MGAM2: variants seen among roughly 807,000 people sequenced by gnomAD.
The protein encoded by MGAM2 is maltase-glucoamylase 2 (putative), also known as probable maltase-glucoamylase 2.
MGAM2 carries 98 observed loss-of-function variants against 96.1 expected under a neutral mutation model. The ratio of observed to expected loss-of-function variants is 1.02; its 90% CI spans 0.87 to 1.21. The LOEUF is 1.21. MGAM2 is among the 50% of genes most tolerant of loss of function. The pLI, the probability that MGAM2 is intolerant of heterozygous loss-of-function variation, is 0.00. For synonymous variants in MGAM2, 749 were observed against 414.8 expected, an observed-to-expected ratio of 1.81 and a Z score of -9.79; for missense variants, 2,055 against 1,182.4, an observed-to-expected ratio of 1.74 and a Z score of -10.82.
At chr7:142,185,019 T>A in intron 33 of MGAM2, 58 bp from the exon 34 acceptor site, 1 of 693,266 alleles carries the variant, frequency 1.4e-6, no homozygotes, top group Non-Finnish European at 2.6e-6. Flanking sequence ...ACATGAAATA[T>A]CTCATAGTCT....
chr7:142,184,807 G>A (rs904802948), intron 33 of MGAM2, among the ~76,000 whole-genome samples: 7 of 152,150 alleles, frequency 4.6e-5, no homozygotes, highest in East Asian at 1.9e-4. Flanking sequence ...GAAATCACTC[G>A]AAAGTTGGTT....
Position 142,159,999 on chromosome 7 carries a change from GCAAGTCAC to G in MGAM2, c.2221-134_2221-127del, listed in dbSNP as rs1224333167. Reference sequence around the variant, plus strand: ...GCCCTCTACTACCCATATGCTTTCAGCAAGTCACTTCACTTTGGGGTTCTCTGTTTGTC... The same window carrying G: ...GCCCTCTACTACCCATATGCTTTCAGTTCACTTTGGGGTTCTCTGTTTGTC... On this transcript the variant is annotated intron_variant, in intron 20 of 47. Coordinates refer to ENST00000477922, the MANE Select transcript of MGAM2 (RefSeq NM_001293626.2). 13 of 581,130 alleles carry G rather than the reference GCAAGTCAC, an allele frequency of 2.2e-5. No individual in the cohort carries two copies. In the East Asian group the frequency reaches 3.7e-4, roughly 16 times the overall value. 36.0% of individuals were successfully genotyped at this position (581,130 alleles called of 1,614,324 possible).
Position 142,148,842 on chromosome 7 carries a change from GTCTCAGTCCTTT to G in MGAM2, c.1634+1273_1634+1284del, listed in dbSNP as rs1319757876. 3.3e-5 allele frequency among the ~76,000 whole-genome samples: 5 copies of G among 152,122 alleles called. No homozygotes were observed. The highest frequency in any genetic ancestry group is 3.3e-4 in the Admixed American group (5 of 15,266). ...AGACTTTGATGGGTTTATGGGGCCTGTCTCAGTCCTTTTCTTACTTGACTTCTCTTTCTCCTT... is the reference window on the plus strand; with the variant it reads ...AGACTTTGATGGGTTTATGGGGCCTGTCTTACTTGACTTCTCTTTCTCCTT... On this transcript the variant is annotated intron_variant, in intron 15 of 47. Transcript: ENST00000477922. This position sits in a 1 kb window ranked among gnomAD's most constrained non-coding sequence, Gnocchi z 4.2.
In MGAM2 at chr7:142,197,426, A is replaced by C. The variant is rs1797079654; in HGVS notation, c.4659A>C (p.Ser1553=). Residue 1553 remains serine, a synonymous_variant, in exon 41 of 48, where the codon TCA becomes TCC. Coordinates refer to ENST00000477922, the MANE Select transcript of MGAM2 (RefSeq NM_001293626.2). ...TRRQDPVAWN[S]TFEMLSRKVL... Reference sequence around the variant, plus strand: ...GACAAGATCCTGTGGCCTGGAATTCAACCTTTGAGATGTTGTCCAGAAAAG... The same window carrying C: ...GACAAGATCCTGTGGCCTGGAATTCCACCTTTGAGATGTTGTCCAGAAAAG... The C allele has an allele frequency of 1.3e-5, 9 of 702,878 alleles. No individual in the cohort carries two copies. Among genetic ancestry groups the C allele is most frequent in the Non-Finnish European group, 2.3e-5 (9 of 385,008 alleles). 43.5% of individuals were successfully genotyped at this position (702,878 alleles called of 1,614,324 possible).
At chr7:142,161,829 T>G in intron 22 of MGAM2, 126 bp from the exon 23 acceptor site, 1 of 482,742 alleles carries the variant, frequency 2.1e-6, no homozygotes, top group Non-Finnish European at 3.6e-6. Flanking sequence ...TTGAAAAAAA[T>G]GCACAGAACT....
intron 1 of MGAM2, among the ~76,000 whole-genome samples, chr7:142,113,877 A>G (rs2129072505): frequency 6.6e-6 from 1 of 152,216 alleles, no homozygotes; most frequent in South Asian, 2.1e-4. Context: ...CACGCAGGTA[A>G]TCCTAGCATT....
At chr7:142,168,234 C>T (rs1436266981) in intron 26 of MGAM2, among the ~76,000 whole-genome samples, 11 of 151,724 alleles carry the variant, frequency 7.3e-5, no homozygotes, top group Non-Finnish European at 1.5e-4. Flanking sequence ...TTCAGTAGAC[C>T]TGGGCTGGGG....
chr7:142,221,325 CCTT>C lies in MGAM2; in HGVS notation c.6817_6819del (p.Ser2273del). On this transcript the variant is annotated inframe_deletion, in exon 48 of 48. Coordinates refer to ENST00000477922, the MANE Select transcript of MGAM2 (RefSeq NM_001293626.2). ...TAATAGTGTTCCTTTTGTGACTACT[CCTT>C]CTCCAAGTACTGATGCTACTACTAC... 1 of 646,174 alleles carries C rather than the reference CCTT, an allele frequency of 1.5e-6. No homozygotes were observed. The highest frequency in any genetic ancestry group is 2.8e-6 in the Non-Finnish European group (1 of 358,098). The allele number at this position is 646,174 out of a possible 1,614,324, so 40.0% of individuals were successfully genotyped here. A position where few individuals can be genotyped will look rare whatever the true frequency, so the allele number is the denominator to read the frequency against.
At chr7:142,138,321 T>A (rs970796474) in intron 9 of MGAM2, among the ~76,000 whole-genome samples, 1 of 151,550 alleles carries the variant, frequency 6.6e-6, no homozygotes, top group African/African-American at 2.4e-5. Context: ...TCCCCTAAGA[T>A]GACACCATTA....
At chr7:142,190,141 G>A (rs1321715787) in intron 37 of MGAM2, among the ~76,000 whole-genome samples, 1 of 151,844 alleles carries the variant, frequency 6.6e-6, no homozygotes, top group Non-Finnish European at 1.5e-5. Context: ...GCAAGATTTG[G>A]AGTAGACATG....
At position 142,173,052 on chromosome 7, in the gene MGAM2, C is replaced by T. The variant is rs148884536; in HGVS notation, c.3562-177C>T. Among the ~76,000 whole-genome samples the T allele has an allele frequency of 4.9e-3, 739 of 152,220 alleles. 9 individuals are homozygous for T. Among genetic ancestry groups the T allele is most frequent in the African/African-American group, 0.016 (676 of 41,550 alleles). On this transcript the variant is annotated intron_variant, in intron 30 of 47. Transcript: ENST00000477922. ...CTGGAATACAGAAAAACTTCAATTA[C>T]GTTTCTATCATTTTGCATGTCTGTA...
intron 9 of MGAM2, 23 bp from the exon 10 acceptor site, chr7:142,138,519 T>A (rs1795125622): frequency 1.4e-6 from 1 of 701,444 alleles, no homozygotes; most frequent in Non-Finnish European, 2.6e-6. Context: ...TCTCAAAGCC[T>A]ACACACTTAC....
At chr7:142,139,430 C>T (rs192484915) in intron 10 of MGAM2, among the ~76,000 whole-genome samples, 134 of 151,962 alleles carry the variant, frequency 8.8e-4, no homozygotes, top group Admixed American at 8.5e-4. Flanking sequence ...GAGGCTGAGG[C>T]GGGCAGATCA....
In MGAM2 at chr7:142,175,614, C is replaced by T. The variant is rs1796349296; in HGVS notation, c.3688-38C>T. 1.1e-5 allele frequency: 8 copies of T among 700,158 alleles called. No individual in the cohort carries two copies. The East Asian group carries it at 1.6e-4, about 14-fold the overall frequency. 43.4% of individuals were successfully genotyped at this position (700,158 alleles called of 1,614,324 possible). A position where few individuals can be genotyped will look rare whatever the true frequency, so the allele number is the denominator to read the frequency against. On this transcript the variant is annotated intron_variant, in intron 31 of 47. Coordinates refer to ENST00000477922, the MANE Select transcript of MGAM2 (RefSeq NM_001293626.2). ...GTTAATGTGCCCTGCAGGGCACCTA[C>T]TGCAGGGTTCCAAGAGCCTTGCTGC...
intron 32 of MGAM2, among the ~76,000 whole-genome samples, chr7:142,179,402 G>A (rs530563417): frequency 2.0e-5 from 3 of 152,232 alleles, no homozygotes; most frequent in Non-Finnish European, 4.4e-5. Flanking sequence ...TGTTAAATAG[G>A]AGTGATGAGA....
chr7:142,175,803 T>C, intron 32 of MGAM2, 23 bp downstream of exon 32: 1 of 698,384 alleles, frequency 1.4e-6, no homozygotes, highest in Non-Finnish European at 2.6e-6. Flanking sequence ...ACAGATCAGA[T>C]CCTACTTTCT....
At position 142,123,383 on chromosome 7, in the gene MGAM2, C is replaced by A. The variant is rs966276850; in HGVS notation, c.186+3002C>A. Among the ~76,000 whole-genome samples the A allele has an allele frequency of 1.6e-4, 25 of 152,080 alleles. 1 individual carries two copies. Among genetic ancestry groups the A allele is most frequent in the African/African-American group, 5.6e-4 (23 of 41,434 alleles). On this transcript the variant is annotated intron_variant, in intron 3 of 47. Transcript: ENST00000477922. ...ACATGTTTAACTTTAGCTGACACTG[C>A]AAAATCATTTTTCAAAGTATTTGTA...
intron 46 of MGAM2, among the ~76,000 whole-genome samples, chr7:142,209,248 G>A (rs1335864361): frequency 1.3e-5 from 2 of 152,094 alleles, no homozygotes; most frequent in Non-Finnish European, 2.9e-5. Context: ...AAATAAAAGT[G>A]GAGATCCCTT....
intron 22 of MGAM2, among the ~76,000 whole-genome samples, chr7:142,161,506 C>G (rs1463028735): frequency 6.6e-6 from 1 of 152,172 alleles, no homozygotes; most frequent in African/African-American, 2.4e-5. Flanking sequence ...ACAGATAATA[C>G]ACTTTTTAAT....
Sources: allele counts gnomAD v4.1 joint callset (sites outside exome capture counted in the v4.1 genomes callset), GRCh38; gene constraint gnomAD v4.1.1; non-coding constraint Gnocchi (gnomAD v3.1); transcripts MANE v1.5; gene names NCBI Gene and HGNC (gene_info 2026-07-23, HGNC 2026-07-21).